The following EYS variants were observed in gnomAD, a reference collection of about 807,000 sequenced individuals.
EYS encodes EGF-like photoreceptor maintenance factor, also known as protein eyes shut homolog.
Under a neutral mutation model 282.1 loss-of-function variants are expected in EYS, and 250 were observed. The ratio of observed to expected loss-of-function variants is 0.89; its 90% CI spans 0.80 to 0.98. The LOEUF is 0.98. Ranked by LOEUF, EYS falls within the 50% of genes least tolerant of loss-of-function variation. The pLI is 0.00. For synonymous variants in EYS, 1,355 were observed against 1,282.9 expected, an observed-to-expected ratio of 1.06 and a Z score of -1.20; for missense variants, 4,016 against 3,709.0, an observed-to-expected ratio of 1.08 and a Z score of -2.15.
intron 29 of EYS, among the ~76,000 whole-genome samples, chr6:64,312,731 A>G (rs61183856): frequency 0.036 from 5,554 of 152,306 alleles, 320 homozygotes; most frequent in African/African-American, 0.13. Flanking sequence ...GGTGATACCA[A>G]GGAAAACAGG....
chr6:63,875,125 T>C (rs1351799588), intron 35 of EYS, among the ~76,000 whole-genome samples: 1 of 152,206 alleles, frequency 6.6e-6, no homozygotes, highest in African/African-American at 2.4e-5. Context: ...AAATAGCTCT[T>C]ATTATTTTGA....
intron 26 of EYS, among the ~76,000 whole-genome samples, chr6:64,571,204 G>T (rs570958773): frequency 6.6e-5 from 10 of 152,060 alleles, no homozygotes; most frequent in Non-Finnish European, 1.0e-4. Context: ...CAAAATTAAG[G>T]CAGAAATAAA....
chr6:64,614,876 T>A (rs1582956125), intron 24 of EYS, among the ~76,000 whole-genome samples: 2 of 152,142 alleles, frequency 1.3e-5, no homozygotes. Flanking sequence ...CGTACAATCA[T>A]AAAATCGAAT....
chr6:65,456,859 G>A (rs1395848468), intron 5 of EYS, among the ~76,000 whole-genome samples: 1 of 152,110 alleles, frequency 6.6e-6, no homozygotes, highest in African/African-American at 2.4e-5. Flanking sequence ...TTAGAAAGGA[G>A]GAAGTCAAAC....
intron 13 of EYS, among the ~76,000 whole-genome samples, chr6:65,020,927 T>C (rs1772235738): frequency 6.6e-6 from 1 of 152,116 alleles, no homozygotes; most frequent in African/African-American, 2.4e-5. Flanking sequence ...ACATTTCCCT[T>C]TTTTAGCTAT....
At chr6:65,330,396 G>T (rs1019951597) in intron 11 of EYS, 5 of 984,258 alleles carry the variant, frequency 5.1e-6, no homozygotes, top group Non-Finnish European at 6.0e-6. Flanking sequence ...TCACAGTCTG[G>T]GCATGGTATT....
intron 35 of EYS, among the ~76,000 whole-genome samples, chr6:63,936,524 A>G (rs546352856): frequency 3.9e-5 from 6 of 152,226 alleles, no homozygotes; most frequent in Non-Finnish European, 8.8e-5. Flanking sequence ...GGCTCTGCTT[A>G]TCCTACACAT....
At chr6:64,507,869 C>T (rs1269106961) in intron 26 of EYS, among the ~76,000 whole-genome samples, 1 of 152,094 alleles carries the variant, frequency 6.6e-6, no homozygotes, top group East Asian at 1.9e-4. Context: ...GCTAATACCA[C>T]AGATAAAGAG....
intron 22 of EYS, among the ~76,000 whole-genome samples, chr6:64,722,033 G>A (rs1207060483): frequency 6.6e-6 from 1 of 152,150 alleles, no homozygotes; most frequent in Non-Finnish European, 1.5e-5. Context: ...AGAAGCTGAA[G>A]TGTTGTCAAC....
At chr6:64,246,762 A>T (rs927813558) in intron 30 of EYS, among the ~76,000 whole-genome samples, 2 of 152,198 alleles carry the variant, frequency 1.3e-5, no homozygotes, top group Non-Finnish European at 2.9e-5. Context: ...TAAGGCATTT[A>T]AAAACAAACC....
intron 22 of EYS, among the ~76,000 whole-genome samples, chr6:64,695,646 A>G (rs1770551535): frequency 6.8e-6 from 1 of 147,606 alleles, no homozygotes; most frequent in South Asian, 2.1e-4. Flanking sequence ...GTGCAGTGGC[A>G]TGATCTTAGC....
chr6:64,082,890 TAAAA>T (rs928035498), intron 31 of EYS, among the ~76,000 whole-genome samples: 3 of 148,916 alleles, frequency 2.0e-5, no homozygotes, highest in Admixed American at 6.7e-5. Context: ...CATTTGGTAA[TAAAA>T]AAAAGAAAAT....
chr6:65,374,161 A>G (rs9354234), intron 8 of EYS, among the ~76,000 whole-genome samples: 62,405 of 151,512 alleles, frequency 0.41, 13,782 homozygotes, highest in South Asian at 0.5. Flanking sequence ...GGTGATTTCT[A>G]ATTTCTGTAT....
At chr6:64,177,441 T>C (rs985576326) in intron 31 of EYS, among the ~76,000 whole-genome samples, 1 of 151,994 alleles carries the variant, frequency 6.6e-6, no homozygotes, top group Non-Finnish European at 1.5e-5. Context: ...TCAGTGTTAA[T>C]AGATTATATT....
chr6:64,753,202 C>T (rs910446127), intron 22 of EYS, among the ~76,000 whole-genome samples: 5 of 151,900 alleles, frequency 3.3e-5, no homozygotes, highest in African/African-American at 4.8e-5. Flanking sequence ...GACTGCAAAG[C>T]GACCAGGTAA....
In EYS at chr6:65,513,882, A is replaced by C. The variant is rs539145568; in HGVS notation, c.-332-17889T>G. Among the ~76,000 whole-genome samples the C allele has an allele frequency of 4.0e-3, 605 of 152,326 alleles. 4 individuals are homozygous for C. Among genetic ancestry groups the C allele is most frequent in the African/African-American group, 0.013 (547 of 41,572 alleles). ...AGCATTCCCTTTGAAAACTGGCACA[A>C]GACAGGGCTGCCCTCTCTCACCACT... On this transcript the variant is annotated intron_variant, in intron 2 of 42. Coordinates refer to ENST00000503581, the MANE Select transcript of EYS (RefSeq NM_001142800.2).
At chr6:65,214,556 AAGTTGC>A (rs1451978470) in intron 12 of EYS, among the ~76,000 whole-genome samples, 1 of 152,164 alleles carries the variant, frequency 6.6e-6, no homozygotes. Flanking sequence ...GTGCAAGGTG[AAGTTGC>A]AAGTGCTGAG....
chr6:64,823,519 C>T (rs930312577), intron 19 of EYS, among the ~76,000 whole-genome samples: 1 of 151,724 alleles, frequency 6.6e-6, no homozygotes, highest in Non-Finnish European at 1.5e-5. Flanking sequence ...GAGCACAGAA[C>T]CATTGTAGAA....
chr6:65,496,975 TA>T (rs1766278450), intron 2 of EYS, among the ~76,000 whole-genome samples: 1 of 152,050 alleles, frequency 6.6e-6, no homozygotes, highest in Admixed American at 6.6e-5. Context: ...CTACATATTA[TA>T]AATCTATGAA....
Sources: gnomAD v4.1 joint callset for allele counts (sites outside exome capture counted in the v4.1 genomes callset) on GRCh38, gnomAD v4.1.1 for gene constraint, MANE v1.5 for transcripts, NCBI Gene and HGNC (gene_info 2026-07-23, HGNC 2026-07-21) for gene names.